ZNF286A: variants seen among roughly 807,000 people sequenced by gnomAD.
The protein encoded by ZNF286A is zinc finger protein 286A.
In ZNF286A, 34 loss-of-function variants were observed where a neutral mutation model predicts 49.3. The ratio of observed to expected loss-of-function variants is 0.69; its 90% CI spans 0.52 to 0.92. The LOEUF is 0.92. ZNF286A is among the 40% of genes least tolerant of loss of function. The pLI, the probability that ZNF286A is intolerant of heterozygous loss-of-function variation, is 0.00. For missense variants in ZNF286A, 462 were observed against 600.2 expected (o/e 0.77, Z 2.41); for synonymous variants, 155 against 200.4 (o/e 0.77, Z 1.91).
chr17:15,716,677 G>T lies in ZNF286A; in HGVS notation c.953G>T (p.Arg318Ile), dbSNP rs1421497314. 7.4e-6 allele frequency: 12 copies of T among 1,614,028 alleles called. No homozygotes were observed. In the South Asian group the frequency reaches 1.1e-4, roughly 15 times the overall value. The part of the protein sequence containing the change: ...TESSSLATHQ[R>I]IHVGERPYEC... ...AGCTCATCCCTTGCAACACATCAGA[G>T]AATTCACGTTGGAGAGAGACCTTAT... Residue 318 changes from arginine (R) to isoleucine (I), a missense_variant, in exon 6 of 6, where the codon AGA becomes ATA. By Grantham distance (97) the Arg-to-Ile change is moderately conservative (BLOSUM62 -3). Coordinates refer to ENST00000583566, the MANE Select transcript of ZNF286A (RefSeq NM_001130842.2).
intron 4 of ZNF286A, among the ~76,000 whole-genome samples, chr17:15,707,941 C>A (rs3760301): frequency 0.46 from 70,263 of 151,784 alleles, 16,926 homozygotes; most frequent in East Asian, 0.64. Flanking sequence ...GCTTGAGCCC[C>A]GGAGTTCGAG....
intron 5 of ZNF286A, chr17:15,708,557 T>C (rs1302766871): frequency 4.7e-6 from 1 of 210,838 alleles, no homozygotes; most frequent in Admixed American, 5.8e-5. Flanking sequence ...CATGTAACGA[T>C]TGCCCAAATC....
In ZNF286A at chr17:15,708,548, A is replaced by G. The variant is rs182457515; in HGVS notation, c.334+301A>G. ...GAATTTTCACTAATTTAGCACATTC[A>G]TGTAACGATTGCCCAAATCAAGAAA... On this transcript the variant is annotated intron_variant, in intron 5 of 5. Transcript: ENST00000583566. 1.5e-4 allele frequency: 33 copies of G among 222,826 alleles called. 1 individual carries two copies. In the East Asian group the frequency reaches 2.3e-3, roughly 15 times the overall value. 13.8% of individuals were successfully genotyped at this position (222,826 alleles called of 1,614,324 possible). A position where few individuals can be genotyped will look rare whatever the true frequency, so the allele number is the denominator to read the frequency against.
At position 15,706,378 on chromosome 17, in the gene ZNF286A, A is replaced by G. The variant is rs1008058120; in HGVS notation, c.127-9A>G. The G allele has an allele frequency of 1.9e-6, 3 of 1,609,806 alleles. No homozygotes were observed. Among genetic ancestry groups the G allele is most frequent in the Non-Finnish European group, 2.6e-6 (3 of 1,176,462 alleles). ...GGAAAGATGTTGAAAAAAATATTTT[A>G]TGTTTTAGGAAACAGTGACATTCAA... On this transcript the variant is annotated splice_polypyrimidine_tract_variant and intron_variant, in intron 3 of 5. Transcript: ENST00000583566.
intron 3 of ZNF286A, among the ~76,000 whole-genome samples, chr17:15,705,379 C>G (rs1034616662): frequency 6.6e-6 from 1 of 151,502 alleles, no homozygotes; most frequent in East Asian, 1.9e-4. Context: ...TTTCTCTTTT[C>G]CTTTGTTTTT....
Position 15,701,282 on chromosome 17 carries a change from G to T in ZNF286A, c.126+42G>T, listed in dbSNP as rs1474253916. 3.1e-6 allele frequency: 5 copies of T among 1,589,716 alleles called. 1 individual carries two copies. In the South Asian group the frequency reaches 5.6e-5, roughly 18 times the overall value. ...TATTGGAATTACACCTTGTTTCTTA[G>T]AGTACAGATGCACTCCCTTCTTTGT... is the stretch of plus-strand genomic sequence containing the variant. On this transcript the variant is annotated intron_variant, in intron 3 of 5. Coordinates refer to ENST00000583566, the MANE Select transcript of ZNF286A (RefSeq NM_001130842.2).
chr17:15,706,497 A>G lies in ZNF286A; in HGVS notation c.237A>G (p.Ser79=). The change falls in exon 4 of 6, where the codon TCA becomes TCG. Residue 79 remains serine, a synonymous_variant. Transcript: ENST00000583566. Reference sequence around the variant, plus strand: ...TGGAGAACTATAGGAACCTAGTCTCACTTTGTAAGAATGGATTGTGATTCT... The same window carrying G: ...TGGAGAACTATAGGAACCTAGTCTCGCTTTGTAAGAATGGATTGTGATTCT... The part of the protein sequence containing the change: ...VMLENYRNLV[S]LWLPVSKPES... 1 of 1,596,016 alleles carries G rather than the reference A, an allele frequency of 6.3e-7. No homozygotes were observed. The highest frequency in any genetic ancestry group is 8.5e-7 in the Non-Finnish European group (1 of 1,171,630).
intron 3 of ZNF286A, among the ~76,000 whole-genome samples, chr17:15,702,342 TC>T (rs1433786538): frequency 6.6e-6 from 1 of 151,822 alleles, no homozygotes; most frequent in East Asian, 1.9e-4. Context: ...TGGTGAAACC[TC>T]GTCTTTACTT....
chr17:15,705,078 G>C (rs1245524092), intron 3 of ZNF286A, among the ~76,000 whole-genome samples: 1 of 152,042 alleles, frequency 6.6e-6, no homozygotes. Flanking sequence ...CTGCCTCCCC[G>C]GTGCCCGGCA....
Position 15,706,412 on chromosome 17 carries a change from C to A in ZNF286A, c.152C>A (p.Ala51Asp). The A allele has an allele frequency of 6.2e-7, 1 of 1,613,796 alleles. No individual in the cohort carries two copies. The highest frequency in any genetic ancestry group is 8.5e-7 in the Non-Finnish European group (1 of 1,179,858). The stretch of plus-strand genomic sequence containing the variant: ...GAAACAGTGACATTCAAGGATGTGG[C>A]CATGGACTTTACACCAGAGGAGTGG... Reference protein sequence around the residue: ...SQETVTFKDVAMDFTPEEWGK... With the variant: ...SQETVTFKDVDMDFTPEEWGK... Residue 51 changes from alanine (A) to aspartate (D), a missense_variant, in exon 4 of 6, where the codon GCC (alanine) becomes GAC (aspartate). Physicochemically the swap from Ala to Asp is moderately radical, Grantham distance 126 (BLOSUM62 -2). Around this residue, in one of 3 missense-constraint regions of ZNF286A, gnomAD observed 259 missense variants for 272.2 expected, o/e 0.95. Coordinates refer to ENST00000583566, the MANE Select transcript of ZNF286A (RefSeq NM_001130842.2).
chr17:15,710,350 T>C (rs1347476279), intron 5 of ZNF286A, among the ~76,000 whole-genome samples: 1 of 152,196 alleles, frequency 6.6e-6, no homozygotes, highest in Non-Finnish European at 1.5e-5. Flanking sequence ...GTCAGAAAGA[T>C]TATTTTATTC....
Position 15,700,369 on chromosome 17 carries a change from G to A in ZNF286A, c.37+3G>A. The A allele has an allele frequency of 1.2e-6, 1 of 831,126 alleles. No homozygotes were observed. The highest frequency in any genetic ancestry group is 2.6e-5 in the East Asian group (1 of 39,060). The allele number at this position is 831,126 out of a possible 1,614,324, so 51.5% of individuals were successfully genotyped here. A position where few individuals can be genotyped will look rare whatever the true frequency, so the allele number is the denominator to read the frequency against. On this transcript the variant is annotated splice_donor_region_variant and intron_variant, in intron 2 of 5. Transcript: ENST00000583566. Reference sequence around the variant, plus strand: ...GGCTGAAATGCCTGAGAAAGGAGGTGAGAATTGCGGACGTGTTGAACTTGT... The same window carrying A: ...GGCTGAAATGCCTGAGAAAGGAGGTAAGAATTGCGGACGTGTTGAACTTGT...
intron 5 of ZNF286A, 47 bp from the exon 6 acceptor site, chr17:15,716,012 G>T: frequency 6.2e-7 from 1 of 1,612,528 alleles, no homozygotes; most frequent in Non-Finnish European, 8.5e-7. Context: ...CTGCCTTTTT[G>T]TTGAGCACAG....
At chr17:15,712,340 C>T (rs1226507520) in intron 5 of ZNF286A, among the ~76,000 whole-genome samples, 2 of 152,336 alleles carry the variant, frequency 1.3e-5, no homozygotes, top group African/African-American at 4.8e-5. Flanking sequence ...TACCTTCTAT[C>T]AAGATGAGTC....
At chr17:15,704,860 C>T (rs1480829016) in intron 3 of ZNF286A, 16 of 1,612,202 alleles carry the variant, frequency 9.9e-6, no homozygotes, top group South Asian at 2.2e-5. Flanking sequence ...GTACACCAGG[C>T]GGATGATGTG....
In ZNF286A at chr17:15,716,094, T is replaced by C; in HGVS notation, c.370T>C (p.Ser124Pro). The C allele has an allele frequency of 6.2e-7, 1 of 1,613,852 alleles. No homozygotes were observed. Among genetic ancestry groups the C allele is most frequent in the Non-Finnish European group, 8.5e-7 (1 of 1,179,810 alleles). The change falls in exon 6 of 6, where the codon TCA becomes CCA. Residue 124 changes from serine (S) to proline (P), a missense_variant. Physicochemically the swap from Ser to Pro is moderately conservative, Grantham distance 74. Transcript: ENST00000583566. ...ETRPQSKDST[S>P]VQDFSKAESC... ...TAGACCACAGAGCAAGGATTCAACT[T>C]CAGTGCAAGATTTTTCCAAAGCAGA...
At chr17:15,708,841 T>A (rs1990436950) in intron 5 of ZNF286A, among the ~76,000 whole-genome samples, 6 of 152,268 alleles carry the variant, frequency 3.9e-5, no homozygotes, top group Admixed American at 3.9e-4. Flanking sequence ...AGTTTATTCT[T>A]CTGAAGATGA....
chr17:15,713,503 TTTATAGTC>T (rs1302386245), intron 5 of ZNF286A, among the ~76,000 whole-genome samples: 2 of 152,148 alleles, frequency 1.3e-5, no homozygotes, highest in Non-Finnish European at 2.9e-5. Context: ...GAAGGAGTAT[TTTATAGTC>T]TTTTCAGGTA....
At chr17:15,711,095 G>T (rs1043258867) in intron 5 of ZNF286A, among the ~76,000 whole-genome samples, 1 of 151,796 alleles carries the variant, frequency 6.6e-6, no homozygotes, top group African/African-American at 2.4e-5. Context: ...TTTATTTTTA[G>T]TAGAGATGAG....
Sources: allele counts gnomAD v4.1 joint callset (sites outside exome capture counted in the v4.1 genomes callset), GRCh38; gene constraint gnomAD v4.1.1; regional missense constraint gnomAD v4.1.1; transcripts MANE v1.5; gene names NCBI Gene and HGNC (gene_info 2026-07-23, HGNC 2026-07-21).